The following ZFP42 variants were observed in gnomAD, a reference collection of about 807,000 sequenced individuals.
The protein encoded by ZFP42 is ZFP42 zinc finger protein.
For synonymous variants in ZFP42, 175 were observed against 144.6 expected, an observed-to-expected ratio of 1.21 and a Z score of -1.51; for missense variants, 438 against 377.1, an observed-to-expected ratio of 1.16 and a Z score of -1.34.
chr4:188,003,798 T>G lies in ZFP42; in HGVS notation c.*58T>G, dbSNP rs1224470619. On this transcript the variant is annotated 3_prime_UTR_variant, in exon 4 of 4. Transcript: ENST00000326866. ...AGTGATCAGTGACAAACATGCCTCA[T>G]TGATTATTGTTTCTAGGAAGGAATT... 3 of 1,477,484 alleles carry G rather than the reference T, an allele frequency of 2.0e-6. No homozygotes were observed. The East Asian group carries it at 6.9e-5, about 34-fold the overall frequency. 91.5% of individuals were successfully genotyped at this position (1,477,484 alleles called of 1,614,324 possible).
chr4:187,999,495 C>T (rs1347988565), intron 2 of ZFP42, 114 bp from the exon 3 acceptor site: 3 of 152,118 alleles, frequency 2.0e-5, no homozygotes, highest in Non-Finnish European at 2.9e-5. Context: ...GAAACTTCTA[C>T]ATTAAATTGT....
Position 188,002,968 on chromosome 4 carries a change from T to A in ZFP42, c.161T>A (p.Val54Glu). The stretch of plus-strand genomic sequence containing the variant: ...GTGTGGGCCTTATGTGATGGCTATG[T>A]GTGCTATGAGCCTGGCCCTCAGGCT... ...SAVWALCDGY[V>E]CYEPGPQALG... The change falls in exon 4 of 4, where the codon GTG becomes GAG. Residue 54 changes from valine to glutamate, a missense_variant. By Grantham distance (121) the Val-to-Glu change is moderately radical. Transcript: ENST00000326866. The A allele has an allele frequency of 6.2e-7, 1 of 1,614,002 alleles. No individual in the cohort carries two copies. Among genetic ancestry groups the A allele is most frequent in the Non-Finnish European group, 8.5e-7 (1 of 1,179,986 alleles).
intron 1 of ZFP42, among the ~76,000 whole-genome samples, chr4:187,998,274 T>TGCTGTGAGCGGA (rs1177260005): frequency 3.4e-4 from 52 of 152,206 alleles, no homozygotes; most frequent in African/African-American, 1.3e-3. Context: ...AGGCGGAGGT[T>TGCTGTGAGCGGA]GCTGTGAGCG....
At chr4:188,001,580 C>T (rs1204381486) in intron 3 of ZFP42, among the ~76,000 whole-genome samples, 1 of 152,182 alleles carries the variant, frequency 6.6e-6, no homozygotes, top group Non-Finnish European at 1.5e-5. Flanking sequence ...GGAACACAGC[C>T]ACCCTCATTC....
chr4:187,997,228 C>CCTTTTTTTTTTTTT, intron 1 of ZFP42, among the ~76,000 whole-genome samples: 1 of 60,030 alleles, frequency 1.7e-5, no homozygotes, highest in Non-Finnish European at 2.7e-5. Context: ...CTCTCATATT[C>CCTTTTTTTTTTTTT]TTTTTTTTTT....
intron 1 of ZFP42, among the ~76,000 whole-genome samples, chr4:187,998,010 GAGTC>G (rs563077466): frequency 2.6e-5 from 4 of 152,198 alleles, no homozygotes; most frequent in Non-Finnish European, 5.9e-5. Context: ...TATTACAAAA[GAGTC>G]AGGAAGTTTG....
intron 3 of ZFP42, among the ~76,000 whole-genome samples, chr4:188,002,005 C>T (rs1464891735): frequency 2.6e-5 from 4 of 152,070 alleles, no homozygotes; most frequent in Admixed American, 2.0e-4. Flanking sequence ...GGTGAAACCC[C>T]ATTTCTACTA....
At chr4:188,002,664 G>GCCTTCA in intron 3 of ZFP42, 49 bp from the exon 4 acceptor site, 1 of 688,778 alleles carries the variant, frequency 1.5e-6, no homozygotes. Flanking sequence ...TTTGACAGTG[G>GCCTTCA]CTCTAATACT....
rs148426653 is a variant in ZFP42, at chr4:188,002,896, G to A, written c.89G>A (p.Gly30Asp). The change falls in exon 4 of 4, where the codon GGC (glycine) becomes GAC (aspartate). Residue 30 changes from glycine (G) to aspartate (D), a missense_variant. Physicochemically the swap from Gly to Asp is moderately conservative, Grantham distance 94 (BLOSUM62 -1). Transcript: ENST00000326866. ...RAPSGAKPRQ[G>D]KSSQDLQAEI... Reference sequence around the variant, plus strand: ...CCCAGTGGGGCTAAGCCCAGGCAAGGCAAGTCAAGCCAAGACCTGCAGGCG... The same window carrying A: ...CCCAGTGGGGCTAAGCCCAGGCAAGACAAGTCAAGCCAAGACCTGCAGGCG... 1,309 of 1,614,222 alleles carry A rather than the reference G, an allele frequency of 8.1e-4. 4 individuals are homozygous for A. Among genetic ancestry groups the A allele is most frequent in the Middle Eastern group, 4.6e-3 (28 of 6,062 alleles).
At position 187,999,275 on chromosome 4, in the gene ZFP42, T is replaced by C. The variant is rs1247646986; in HGVS notation, c.-173+2T>C. Reference sequence around the variant, plus strand: ...AGACCTAACCATCGCTGAGCTGAAGTGTAGGTGTGGTCTGATTAGACTCAT... The same window carrying C: ...AGACCTAACCATCGCTGAGCTGAAGCGTAGGTGTGGTCTGATTAGACTCAT... On this transcript the variant is annotated splice_donor_variant, in intron 2 of 3. Coordinates refer to ENST00000326866, the MANE Select transcript of ZFP42 (RefSeq NM_174900.5). LOFTEE classifies it low-confidence loss of function (5UTR_SPLICE). The C allele has an allele frequency of 6.6e-6, 1 of 151,936 alleles. No homozygotes were observed. Among genetic ancestry groups the C allele is most frequent in the Non-Finnish European group, 1.5e-5 (1 of 68,022 alleles). 9.4% of individuals were successfully genotyped at this position (151,936 alleles called of 1,614,324 possible).
chr4:188,003,683 G>C lies in ZFP42; in HGVS notation c.876G>C (p.Leu292=), dbSNP rs968814907. Residue 292 remains leucine (L), a synonymous_variant, in exon 4 of 4, where the codon CTG becomes CTC. Transcript: ENST00000326866. ...CNRRFIQSNN[L]KAHILTHANT... ...GGAGGTTTATTCAGTCAAATAACCT[G>C]AAAGCCCACATCCTAACGCATGCAA... is the stretch of plus-strand genomic sequence containing the variant. 1 of 1,613,936 alleles carries C rather than the reference G, an allele frequency of 6.2e-7. No homozygotes were observed. Among genetic ancestry groups the C allele is most frequent in the Non-Finnish European group, 8.5e-7 (1 of 1,180,026 alleles).
At chr4:187,998,804 A>G (rs1733703862) in intron 1 of ZFP42, among the ~76,000 whole-genome samples, 1 of 152,198 alleles carries the variant, frequency 6.6e-6, no homozygotes, top group East Asian at 1.9e-4. Context: ...ATGACACAGC[A>G]ACCTAAAGAT....
chr4:188,001,134 T>A (rs1386058354), intron 3 of ZFP42, among the ~76,000 whole-genome samples: 1 of 152,176 alleles, frequency 6.6e-6, no homozygotes. Flanking sequence ...TATATGTATT[T>A]GTTTTTTACC....
chr4:188,003,997 T>A lies in ZFP42; in HGVS notation c.*257T>A. Reference sequence around the variant, plus strand: ...ACTTTGTGTGTTCTTAAAGTGTGCTTCCAACAGGAAGGTCAGTGATAAATT... The same window carrying A: ...ACTTTGTGTGTTCTTAAAGTGTGCTACCAACAGGAAGGTCAGTGATAAATT... On this transcript the variant is annotated 3_prime_UTR_variant, in exon 4 of 4. Coordinates refer to ENST00000326866, the MANE Select transcript of ZFP42 (RefSeq NM_174900.5). The A allele has an allele frequency of 5.5e-6, 2 of 361,996 alleles. No individual in the cohort carries two copies. The allele number at this position is 361,996 out of a possible 1,614,324, so 22.4% of individuals were successfully genotyped here. A position where few individuals can be genotyped will look rare whatever the true frequency, so the allele number is the denominator to read the frequency against.
At position 188,002,903 on chromosome 4, in the gene ZFP42, A is replaced by C. The variant is rs767770215; in HGVS notation, c.96A>C (p.Ser32=). Residue 32 remains serine, a synonymous_variant, in exon 4 of 4, where the codon TCA becomes TCC. Coordinates refer to ENST00000326866, the MANE Select transcript of ZFP42 (RefSeq NM_174900.5). ...PSGAKPRQGK[S]SQDLQAEIEP... ...GGGCTAAGCCCAGGCAAGGCAAGTC[A>C]AGCCAAGACCTGCAGGCGGAAATAG... 3.1e-6 allele frequency: 5 copies of C among 1,614,208 alleles called. No homozygotes were observed. Among genetic ancestry groups the C allele is most frequent in the Admixed American group, 3.3e-5 (2 of 60,028 alleles).
chr4:188,004,377 TGTC>T lies in ZFP42; in HGVS notation c.*640_*642del, dbSNP rs1268415168. ...CTCTGTCACCCAGGCTGGAGTCTAG[TGTC>T]GTGATCTTGGCTCACTGCAACCTCC... On this transcript the variant is annotated 3_prime_UTR_variant, in exon 4 of 4. Coordinates refer to ENST00000326866, the MANE Select transcript of ZFP42 (RefSeq NM_174900.5). 1 of 152,350 alleles carries T rather than the reference TGTC, an allele frequency of 6.6e-6. No homozygotes were observed. Among genetic ancestry groups the T allele is most frequent in the African/African-American group, 2.4e-5 (1 of 41,458 alleles). The allele number at this position is 152,350 out of a possible 1,614,324, so 9.4% of individuals were successfully genotyped here. A position where few individuals can be genotyped will look rare whatever the true frequency, so the allele number is the denominator to read the frequency against.
intron 3 of ZFP42, among the ~76,000 whole-genome samples, chr4:188,000,257 G>A (rs916817565): frequency 3.3e-5 from 5 of 152,108 alleles, no homozygotes; most frequent in African/African-American, 7.2e-5. Context: ...TGCACAAGCT[G>A]TTTTTTAAAT....
intron 3 of ZFP42, among the ~76,000 whole-genome samples, 200 bp downstream of exon 3, chr4:187,999,885 G>GA (rs1191959374): frequency 1.3e-5 from 2 of 152,136 alleles, no homozygotes; most frequent in Admixed American, 1.3e-4. Context: ...ATTTTAGTGA[G>GA]AAAAAAGAAC....
At chr4:187,996,993 ATGGAGCATGGAGCGTGGAGCG>A (rs1161984299) in intron 1 of ZFP42, among the ~76,000 whole-genome samples, 3,975 of 110,758 alleles carry the variant, frequency 0.036, 140 homozygotes, top group African/African-American at 0.12. Context: ...TGTAGGGAGC[ATGGAGCATGGAGCGTGGAGCG>A]TGGAGCATGG....
Sources: gnomAD v4.1 joint callset for allele counts (sites outside exome capture counted in the v4.1 genomes callset) on GRCh38, gnomAD v4.1.1 for gene constraint, MANE v1.5 for transcripts, NCBI Gene and HGNC (gene_info 2026-07-23, HGNC 2026-07-21) for gene names.